MAST2: variants seen among roughly 807,000 people sequenced by gnomAD.
MAST2 encodes the protein microtubule associated serine/threonine kinase 2.
MAST2 carries 70 observed loss-of-function variants against 147.4 expected under a neutral mutation model. That is an observed-to-expected ratio of 0.47 (90% CI 0.39 to 0.58). The LOEUF (loss-of-function observed/expected upper bound fraction) is 0.58, where lower values mean the gene tolerates loss of function less well. Ranked by LOEUF, MAST2 falls within the 20% of genes least tolerant of loss-of-function variation. MAST2 has a pLI of 0.00. For missense variants in MAST2, 2,080 were observed against 2,302.3 expected, an observed-to-expected ratio of 0.90 and a Z score of 1.98; for synonymous variants, 869 against 896.8, an observed-to-expected ratio of 0.97 and a Z score of 0.55.
chr1:45,903,198 C>T (rs771255212), intron 4 of MAST2, among the ~76,000 whole-genome samples: 1 of 123,768 alleles, frequency 8.1e-6, no homozygotes, highest in Non-Finnish European at 1.6e-5. Context: ...GGCGTGATCT[C>T]GGCTTACTGC....
chr1:45,852,144 C>G (rs575208624), intron 3 of MAST2, among the ~76,000 whole-genome samples: 1 of 152,076 alleles, frequency 6.6e-6, no homozygotes, highest in East Asian at 1.9e-4. Context: ...CTTATTTGGT[C>G]TTTATATACA....
chr1:46,023,212 G>C lies in MAST2; in HGVS notation c.1486-21G>C. ...GCTCTGAGAAGCATGCCTGTCTCCTGCCTTTTCCCTTGTCTTCCAGGGCCA... is the reference window on the plus strand; with the variant it reads ...GCTCTGAGAAGCATGCCTGTCTCCTCCCTTTTCCCTTGTCTTCCAGGGCCA... On this transcript the variant is annotated intron_variant, in intron 13 of 28. Coordinates refer to ENST00000361297, the MANE Select transcript of MAST2 (RefSeq NM_015112.3). The surrounding 1 kb of genome is among the most constrained non-coding windows in gnomAD (Gnocchi z 4.9). The C allele has an allele frequency of 6.2e-7, 1 of 1,607,062 alleles. No homozygotes were observed. Among genetic ancestry groups the C allele is most frequent in the Non-Finnish European group, 8.5e-7 (1 of 1,173,604 alleles).
intron 3 of MAST2, among the ~76,000 whole-genome samples, chr1:45,874,383 C>T (rs552925970): frequency 1.8e-4 from 28 of 152,262 alleles, no homozygotes; most frequent in African/African-American, 6.5e-4. Flanking sequence ...ATGATATTAA[C>T]ATAGATTTTC....
At chr1:45,965,836 C>T (rs1661113834) in intron 5 of MAST2, among the ~76,000 whole-genome samples, 1 of 152,098 alleles carries the variant, frequency 6.6e-6, no homozygotes, top group Non-Finnish European at 1.5e-5. Flanking sequence ...CCATTATCAG[C>T]TCCCTACCAG....
At chr1:45,944,849 C>T (rs190634340) in intron 4 of MAST2, among the ~76,000 whole-genome samples, 6 of 152,324 alleles carry the variant, frequency 3.9e-5, no homozygotes, top group Non-Finnish European at 1.5e-5. Context: ...CCACGACTGC[C>T]TGTGCCAAAA....
chr1:45,907,715 A>G (rs1651002343), intron 4 of MAST2, among the ~76,000 whole-genome samples: 1 of 152,190 alleles, frequency 6.6e-6, no homozygotes, highest in Admixed American at 6.5e-5. Flanking sequence ...ATTAAGCAGT[A>G]ACACCCTTCT....
In MAST2 at chr1:46,023,375, T is replaced by G; in HGVS notation, c.1571+57T>G. The G allele has an allele frequency of 1.2e-4, 177 of 1,473,186 alleles. No homozygotes were observed. Among genetic ancestry groups the G allele is most frequent in the Non-Finnish European group, 1.5e-4 (158 of 1,053,330 alleles). 91.3% of individuals were successfully genotyped at this position (1,473,186 alleles called of 1,614,324 possible). ...TGAAGCCGGGTCAGCCTTTGATCTC[T>G]TCCATGTGAGAGTGTATGCTGCCCA... On this transcript the variant is annotated intron_variant, in intron 14 of 28. Coordinates refer to ENST00000361297, the MANE Select transcript of MAST2 (RefSeq NM_015112.3). The surrounding 1 kb of genome is among the most constrained non-coding windows in gnomAD (Gnocchi z 4.9).
intron 4 of MAST2, among the ~76,000 whole-genome samples, chr1:45,898,154 A>G (rs1351859494): frequency 6.6e-6 from 1 of 151,980 alleles, no homozygotes; most frequent in Non-Finnish European, 1.5e-5. Flanking sequence ...AAAAAGAAAA[A>G]ATTATAGTAG....
intron 4 of MAST2, among the ~76,000 whole-genome samples, chr1:45,955,213 A>C (rs1570915298): frequency 6.6e-6 from 1 of 152,142 alleles, no homozygotes; most frequent in African/African-American, 2.4e-5. Flanking sequence ...ATTGGGGATT[A>C]GTTCCAGGAC....
intron 9 of MAST2, among the ~76,000 whole-genome samples, chr1:46,008,631 A>T (rs1367432009): frequency 6.6e-6 from 1 of 152,248 alleles, no homozygotes; most frequent in Non-Finnish European, 1.5e-5. Flanking sequence ...AAGTAGAGTT[A>T]TCCAGAGGGG....
intron 4 of MAST2, among the ~76,000 whole-genome samples, chr1:45,958,154 A>T (rs1659911051): frequency 6.6e-6 from 1 of 151,992 alleles, no homozygotes; most frequent in Admixed American, 6.6e-5. Context: ...ATTCCTCCTG[A>T]TGGTTTCTTA....
intron 3 of MAST2, among the ~76,000 whole-genome samples, chr1:45,866,551 T>C (rs1446311029): frequency 1.3e-5 from 2 of 152,176 alleles, no homozygotes; most frequent in East Asian, 3.9e-4. Flanking sequence ...TTTTCTGTTT[T>C]GTGTTAAATC....
intron 4 of MAST2, among the ~76,000 whole-genome samples, chr1:45,883,267 T>C (rs1055410999): frequency 6.6e-5 from 10 of 152,206 alleles, no homozygotes; most frequent in African/African-American, 2.4e-4. Context: ...TATATACACA[T>C]CATATGCAAT....
At position 46,034,077 on chromosome 1, in the gene MAST2, A is replaced by G. The variant is rs1646794456; in HGVS notation, c.3679A>G (p.Lys1227Glu). ...SRGKDGQESR[K>E]RSSLFRKITK... The stretch of plus-strand genomic sequence containing the variant: ...CTTTGACCCTTATCCCCGCAGCAGA[A>G]AAAGGAGCTCCCTGTTCCGCAAGAT... Residue 1227 changes from lysine to glutamate, a missense_variant, in exon 28 of 29, where the codon AAA becomes GAA. Around this residue, in one of 4 missense-constraint regions of MAST2, gnomAD observed 1,278 missense variants for 1,304.2 expected, o/e 0.98. Transcript: ENST00000361297. 1 of 1,613,094 alleles carries G rather than the reference A, an allele frequency of 6.2e-7. No homozygotes were observed. Among genetic ancestry groups the G allele is most frequent in the South Asian group, 1.1e-5 (1 of 90,958 alleles).
At chr1:45,922,372 C>T (rs1453800609) in intron 4 of MAST2, among the ~76,000 whole-genome samples, 1 of 152,252 alleles carries the variant, frequency 6.6e-6, no homozygotes, top group Non-Finnish European at 1.5e-5. Flanking sequence ...TGCTGCTGTT[C>T]ATGGTGACCA....
chr1:45,846,514 A>C (rs541580184), intron 3 of MAST2, among the ~76,000 whole-genome samples: 28 of 152,282 alleles, frequency 1.8e-4, no homozygotes, highest in African/African-American at 6.7e-4. Context: ...ATGAAAAGCA[A>C]TCTTCATTTT....
intron 5 of MAST2, among the ~76,000 whole-genome samples, chr1:45,992,769 A>G (rs1416856671): frequency 6.6e-6 from 1 of 151,988 alleles, no homozygotes; most frequent in Non-Finnish European, 1.5e-5. Flanking sequence ...GGGGCATTTA[A>G]TGTGGTTGTT....
chr1:45,987,283 TATTG>T (rs1644664400), intron 5 of MAST2, among the ~76,000 whole-genome samples: 1 of 152,206 alleles, frequency 6.6e-6, no homozygotes, highest in African/African-American at 2.4e-5. Context: ...ATTTTAATTT[TATTG>T]ATCTCAAAAA....
intron 4 of MAST2, among the ~76,000 whole-genome samples, chr1:45,904,464 G>A (rs1213079082): frequency 6.6e-6 from 1 of 151,986 alleles, no homozygotes; most frequent in Non-Finnish European, 1.5e-5. Context: ...ATGAGCCACC[G>A]TGTCCGGCCT....
Sources: allele counts gnomAD v4.1 joint callset (sites outside exome capture counted in the v4.1 genomes callset), GRCh38; gene constraint gnomAD v4.1.1; regional missense constraint gnomAD v4.1.1; non-coding constraint Gnocchi (gnomAD v3.1); transcripts MANE v1.5; gene names NCBI Gene and HGNC (gene_info 2026-07-23, HGNC 2026-07-21).